The following EYS variants were observed in gnomAD, a reference collection of about 807,000 sequenced individuals.
EYS encodes protein eyes shut homolog.
A neutral mutation model predicts 282.1 loss-of-function variants in EYS; 250 were observed. That is an observed-to-expected ratio of 0.89 (90% CI 0.80 to 0.98). EYS has a LOEUF of 0.98. EYS is among the 50% of genes least tolerant of loss of function. EYS has a pLI of 0.00. For missense variants in EYS, 4,016 were observed against 3,709.0 expected (o/e 1.08, Z -2.15); for synonymous variants, 1,355 against 1,282.9 (o/e 1.06, Z -1.20).
chr6:63,957,913 TGACA>T (rs1337873864), intron 35 of EYS, among the ~76,000 whole-genome samples: 2 of 140,984 alleles, frequency 1.4e-5, no homozygotes, highest in Non-Finnish European at 3.2e-5. Context: ...AATCTGATTA[TGACA>T]GACAAACAAT....
intron 31 of EYS, among the ~76,000 whole-genome samples, chr6:64,152,585 G>A (rs560576286): frequency 1.3e-5 from 2 of 152,194 alleles, no homozygotes; most frequent in East Asian, 3.9e-4. Flanking sequence ...TTTTAACCTA[G>A]CTTTTAGAAG....
chr6:64,388,795 C>T lies in EYS; in HGVS notation c.5973G>A (p.Arg1991=), dbSNP rs1328698860. ...TGATAGATTCGCATATTTGTGTATT[C>T]CTCCCTAAAATAGTCAGCTCAGCGT... The part of the protein sequence containing the change: ...PCNAELTILG[R]NTQICESINH... Residue 1991 remains arginine, a synonymous_variant, in exon 29 of 43, where the codon AGG becomes AGA. Coordinates refer to ENST00000503581, the MANE Select transcript of EYS (RefSeq NM_001142800.2). The T allele has an allele frequency of 6.5e-7, 1 of 1,543,090 alleles. No homozygotes were observed. The highest frequency in any genetic ancestry group is 1.2e-5 in the South Asian group (1 of 82,148).
chr6:64,557,265 A>G (rs541463055), intron 26 of EYS, among the ~76,000 whole-genome samples: 112 of 151,224 alleles, frequency 7.4e-4, no homozygotes, highest in South Asian at 2.1e-3. Context: ...TTATTAAATA[A>G]ATGAATATCA....
chr6:65,471,661 C>T (rs1582340475), intron 5 of EYS, among the ~76,000 whole-genome samples: 1 of 151,966 alleles, frequency 6.6e-6, no homozygotes, highest in Non-Finnish European at 1.5e-5. Context: ...AAAAATATTC[C>T]TTACTGTAAA....
At chr6:64,345,574 G>T (rs1459008901) in intron 29 of EYS, among the ~76,000 whole-genome samples, 1 of 151,908 alleles carries the variant, frequency 6.6e-6, no homozygotes, top group Non-Finnish European at 1.5e-5. Context: ...AGACTTAAAG[G>T]TTAGACCTAA....
At chr6:64,549,229 C>A (rs1405362898) in intron 26 of EYS, among the ~76,000 whole-genome samples, 1 of 152,178 alleles carries the variant, frequency 6.6e-6, no homozygotes, top group Non-Finnish European at 1.5e-5. Context: ...TAAAACCTGA[C>A]CTTCACTCTG....
intron 8 of EYS, 36 bp downstream of exon 8, chr6:65,384,350 G>C (rs1422251763): frequency 1.7e-6 from 2 of 1,173,106 alleles, no homozygotes; most frequent in East Asian, 2.4e-5. Context: ...GTATTTTGAA[G>C]GGCTAACTTA....
chr6:64,216,428 G>C (rs1027341334), intron 31 of EYS, among the ~76,000 whole-genome samples: 1 of 152,172 alleles, frequency 6.6e-6, no homozygotes, highest in Non-Finnish European at 1.5e-5. Context: ...ATGTGCCTAA[G>C]AGAAGCCCAT....
chr6:65,495,962 C>T lies in EYS; in HGVS notation c.-301G>A, dbSNP rs976247350. On this transcript the variant is annotated 5_prime_UTR_variant, in exon 3 of 43. It removes an upstream start codon present in the reference 5' UTR. Transcript: ENST00000503581. ...GGTTTCAATTTTCTTGGGAGATAAG[C>T]ATTCCTCTTCTGATTAGTTTTCAAA... is the stretch of plus-strand genomic sequence containing the variant. The T allele has an allele frequency of 1.3e-5, 2 of 154,104 alleles. No individual in the cohort carries two copies. Among genetic ancestry groups the T allele is most frequent in the African/African-American group, 4.8e-5 (2 of 41,440 alleles). The allele number at this position is 154,104 out of a possible 1,614,324, so 9.5% of individuals were successfully genotyped here.
intron 12 of EYS, among the ~76,000 whole-genome samples, chr6:65,093,093 T>C (rs1208844848): frequency 6.6e-6 from 1 of 152,080 alleles, no homozygotes; most frequent in East Asian, 1.9e-4. Context: ...AAACTATCAG[T>C]TGGTTTCTCA....
intron 41 of EYS, among the ~76,000 whole-genome samples, chr6:63,742,474 T>C (rs890420018): frequency 1.3e-5 from 2 of 152,162 alleles, no homozygotes; most frequent in Non-Finnish European, 2.9e-5. Context: ...CAGCAGAAAT[T>C]GACAACCCCA....
intron 35 of EYS, among the ~76,000 whole-genome samples, chr6:63,879,587 A>T (rs943577409): frequency 6.6e-6 from 1 of 152,192 alleles, no homozygotes; most frequent in Admixed American, 6.5e-5. Flanking sequence ...TTAGGCTTAA[A>T]TGCATATATA....
intron 2 of EYS, among the ~76,000 whole-genome samples, chr6:65,586,051 T>C (rs551713155): frequency 1.3e-5 from 2 of 152,150 alleles, no homozygotes; most frequent in African/African-American, 2.4e-5. Flanking sequence ...ACTCACTTAT[T>C]TGGTGGTTTC....
intron 26 of EYS, among the ~76,000 whole-genome samples, chr6:64,543,502 G>C (rs1184027505): frequency 1.3e-5 from 2 of 151,960 alleles, no homozygotes; most frequent in African/African-American, 4.8e-5. Flanking sequence ...TCAAATGATA[G>C]TTGTGGTATT....
chr6:65,214,965 G>C (rs935253801), intron 12 of EYS, among the ~76,000 whole-genome samples: 5 of 151,968 alleles, frequency 3.3e-5, no homozygotes, highest in African/African-American at 7.3e-5. Flanking sequence ...AGAACTGCTG[G>C]TGAGAAAAAA....
intron 31 of EYS, among the ~76,000 whole-genome samples, chr6:64,094,884 C>T (rs189001131): frequency 3.0e-4 from 46 of 152,030 alleles, no homozygotes; most frequent in Admixed American, 9.8e-4. Flanking sequence ...TTCCTTTGTT[C>T]GCATTTAGTG....
At chr6:64,195,366 G>A (rs931869457) in intron 31 of EYS, among the ~76,000 whole-genome samples, 6 of 152,120 alleles carry the variant, frequency 3.9e-5, no homozygotes, top group Admixed American at 2.6e-4. Flanking sequence ...GCAGAGGCAC[G>A]ATCTCAGGTC....
chr6:64,974,954 C>T (rs1421948335), intron 14 of EYS, among the ~76,000 whole-genome samples: 1 of 151,548 alleles, frequency 6.6e-6, no homozygotes, highest in Non-Finnish European at 1.5e-5. Flanking sequence ...TCATTTTATA[C>T]AAGAGTAAAA....
At chr6:65,573,474 C>T (rs2127354424) in intron 2 of EYS, among the ~76,000 whole-genome samples, 1 of 152,272 alleles carries the variant, frequency 6.6e-6, no homozygotes, top group East Asian at 1.9e-4. Context: ...GTTTACTCTT[C>T]TCCCACACAA....
Sources: allele counts gnomAD v4.1 joint callset (sites outside exome capture counted in the v4.1 genomes callset), GRCh38; gene constraint gnomAD v4.1.1; transcripts MANE v1.5; gene names NCBI Gene and HGNC (gene_info 2026-07-23, HGNC 2026-07-21).